The following KDM5D variants were observed in gnomAD, a reference collection of about 807,000 sequenced individuals.
KDM5D encodes the protein lysine demethylase 5D.
In KDM5D, 25 loss-of-function variants were observed where a neutral mutation model predicts 31.9. The ratio of observed to expected loss-of-function variants is 0.78; its 90% CI spans 0.57 to 1.09. KDM5D has a LOEUF of 1.09. KDM5D is among the 50% of genes least tolerant of loss of function. The pLI, the probability that KDM5D is intolerant of heterozygous loss-of-function variation, is 0.00. For synonymous variants in KDM5D, 146 were observed against 122.3 expected, an observed-to-expected ratio of 1.19 and a Z score of -1.28; for missense variants, 366 against 341.6, an observed-to-expected ratio of 1.07 and a Z score of -0.56.
Position 19,739,551 on chromosome Y carries a change from G to A in KDM5D, c.634C>T (p.Arg212Trp), listed in dbSNP as rs1224670916. 5.1e-6 allele frequency: 2 copies of A among 392,765 alleles called. No individual in the cohort carries two copies. The highest frequency in any genetic ancestry group is 6.4e-5 in the African/African-American group (1 of 15,531). Reference protein sequence around the residue: ...QPSKFSSYSRRAKRLQPDPEP... With the variant: ...QPSKFSSYSRWAKRLQPDPEP... ...ACATCAGGCTGTAGCCTTTTTGCCC[G>A]TCGACTGTAGCTGCTGAACTTTGAA... The change falls in exon 6 of 27, where the codon CGG becomes TGG. Residue 212 changes from arginine to tryptophan, a missense_variant. Arg to Trp is a moderately radical substitution (Grantham distance 101). Transcript: ENST00000317961.
chrY:19,744,093 A>G (rs2045579789), intron 2 of KDM5D, among the ~76,000 whole-genome samples: 1 of 33,853 alleles, frequency 3.0e-5, no homozygotes, highest in Non-Finnish European at 7.3e-5. Context: ...TTGCGGTTAA[A>G]TGTAATAAAA....
chrY:19,741,758 A>T lies in KDM5D; in HGVS notation c.328T>A (p.Leu110Met). Residue 110 changes from leucine (L) to methionine (M), a missense_variant, in exon 4 of 27, where the codon TTG becomes ATG. Transcript: ENST00000317961. ...ACCTTACTAAGGCTGTAGAGGTCCA[A>T]GATCTTCCGCTCCACATTGGGAATC... Reference protein sequence around the residue: ...LKIPNVERKILDLYSLSKIVI... With the variant: ...LKIPNVERKIMDLYSLSKIVI... 2.5e-6 allele frequency: 1 copy of T among 393,414 alleles called. No individual in the cohort carries two copies. The highest frequency in any genetic ancestry group is 3.6e-6 in the Non-Finnish European group (1 of 278,732).
At chrY:19,717,515 GAGAGAGAGAA>G in intron 13 of KDM5D, among the ~76,000 whole-genome samples, 1 of 32,885 alleles carries the variant, frequency 3.0e-5, no homozygotes, top group Admixed American at 2.8e-4. Flanking sequence ...GGAGGAGAGA[GAGAGAGAGAA>G]AGAGAGAGAC....
chrY:19,713,739 G>T (rs751611567), intron 18 of KDM5D, among the ~76,000 whole-genome samples: 19 of 33,369 alleles, frequency 5.7e-4, no homozygotes, highest in African/African-American at 2.2e-3. Context: ...AGACAGTGTG[G>T]CAATTCCTCA....
intron 13 of KDM5D, among the ~76,000 whole-genome samples, chrY:19,717,003 T>C: frequency 5.9e-5 from 2 of 33,625 alleles, no homozygotes; most frequent in Non-Finnish European, 1.5e-4. Context: ...AGTCATAGAA[T>C]TAAGTCACCA....
chrY:19,719,175 A>G, intron 13 of KDM5D, among the ~76,000 whole-genome samples: 2 of 33,041 alleles, frequency 6.1e-5, no homozygotes, highest in Non-Finnish European at 1.5e-4. Context: ...GTCTCAAAAA[A>G]AAAAAAAGAA....
chrY:19,715,296 T>C, intron 18 of KDM5D, 56 bp downstream of exon 18: 1 of 345,356 alleles, frequency 2.9e-6, no homozygotes, highest in African/African-American at 6.9e-5. Context: ...GTCTATCCAT[T>C]TTTGTTATTC....
Position 19,741,723 on chromosome Y carries a change from G to A in KDM5D, c.351+12C>T. ...CTTTTTGTTTTTCCTTTAGAAAGTA[G>A]ACTACTCTTACCTTACTAAGGCTGT... On this transcript the variant is annotated intron_variant, in intron 4 of 26. Transcript: ENST00000317961. 1.0e-5 allele frequency: 4 copies of A among 390,280 alleles called. No individual in the cohort carries two copies. Among genetic ancestry groups the A allele is most frequent in the Non-Finnish European group, 1.4e-5 (4 of 277,274 alleles).
At chrY:19,730,667 A>G in intron 11 of KDM5D, among the ~76,000 whole-genome samples, 1 of 30,823 alleles carries the variant, frequency 3.2e-5, no homozygotes. Context: ...AAAAGAGGTA[A>G]ATTTTGTCCT....
intron 11 of KDM5D, among the ~76,000 whole-genome samples, chrY:19,730,190 T>C (rs2045462656): frequency 5.9e-5 from 2 of 34,092 alleles, no homozygotes; most frequent in Non-Finnish European, 7.3e-5. Flanking sequence ...CAACGTAACA[T>C]TAGCAAAGCT....
Position 19,735,399 on chromosome Y carries a change from T to G in KDM5D, c.886A>C (p.Thr296Pro). Residue 296 changes from threonine to proline, a missense_variant, in exon 8 of 27, where the codon ACT (threonine) becomes CCT (proline). Transcript: ENST00000317961. ...TTTCGAAGTTGCATGGTTGTCTTAG[T>G]GCAGGGCTCTAGGCTCAAGTGCTGC... Reference protein sequence around the residue: ...LKQHLSLEPCTKTTMQLRKNH... With the variant: ...LKQHLSLEPCPKTTMQLRKNH... The G allele has an allele frequency of 5.0e-6, 2 of 398,160 alleles. No homozygotes were observed. The highest frequency in any genetic ancestry group is 7.1e-6 in the Non-Finnish European group (2 of 282,816).
At chrY:19,712,314 T>C in intron 18 of KDM5D, among the ~76,000 whole-genome samples, 4 of 33,698 alleles carry the variant, frequency 1.2e-4, no homozygotes. Context: ...ACATGTATGA[T>C]AGTGGGCCTG....
Position 19,744,687 on chromosome Y carries a change from T to C in KDM5D, c.-36A>G. ...GCTGCTTACCAATCGTCAGGGATCC[T>C]AGTTTTACAGCCACCATCTTGACCT... is the stretch of plus-strand genomic sequence containing the variant. On this transcript the variant is annotated 5_prime_UTR_variant, in exon 1 of 27. Transcript: ENST00000317961. The C allele has an allele frequency of 2.0e-5, 3 of 148,016 alleles. No individual in the cohort carries two copies. In the East Asian group the frequency reaches 3.6e-4, roughly 18 times the overall value. 36.9% of individuals were successfully genotyped at this position (148,016 alleles called of 400,897 possible).
At chrY:19,718,631 T>G in intron 13 of KDM5D, among the ~76,000 whole-genome samples, 1 of 33,925 alleles carries the variant, frequency 2.9e-5, no homozygotes, top group South Asian at 6.5e-4. Context: ...ACACTGTGAA[T>G]GTACTAAATG....
chrY:19,708,976 G>A lies in KDM5D; in HGVS notation c.2980C>T (p.Arg994Cys). ...HPPATLEAIIRETENIPVHLP... is the reference protein window; with the variant it reads ...HPPATLEAIICETENIPVHLP... ...TGAACAGGGATGTTTTCTGTCTCAC[G>A]AATTATGGCTTCCAATGTGGCTGGT... is the stretch of plus-strand genomic sequence containing the variant. Residue 994 changes from arginine (R) to cysteine (C), a missense_variant, in exon 21 of 27, where the codon CGT (arginine) becomes TGT (cysteine). Transcript: ENST00000317961. The A allele has an allele frequency of 5.0e-6, 2 of 397,888 alleles. No individual in the cohort carries two copies. The highest frequency in any genetic ancestry group is 6.1e-5 in the African/African-American group (1 of 16,265).
chrY:19,722,427 A>G (rs772287201), intron 11 of KDM5D: 12 of 33,663 alleles, frequency 3.6e-4, no homozygotes, highest in African/African-American at 1.4e-3. Flanking sequence ...CAAAATTATC[A>G]AACTACTAAA....
chrY:19,735,151 A>G (rs2045498396), intron 8 of KDM5D, among the ~76,000 whole-genome samples: 1 of 33,439 alleles, frequency 3.0e-5, no homozygotes, highest in Non-Finnish European at 7.4e-5. Flanking sequence ...TTCTATCTAA[A>G]AAGACATAAA....
chrY:19,708,846 C>T (rs1228302423), intron 21 of KDM5D, 29 bp downstream of exon 21: 21 of 386,492 alleles, frequency 5.4e-5, no homozygotes, highest in Non-Finnish European at 7.3e-5. Flanking sequence ...GCTGGCCTGA[C>T]GCAGTAAAGC....
At chrY:19,710,152 G>A (rs1404747900) in intron 19 of KDM5D, 102 of 362,719 alleles carry the variant, frequency 2.8e-4, no homozygotes, top group Non-Finnish European at 3.8e-4. Context: ...TCTTATGTAG[G>A]CCCAGTTTAG....
Sources: gnomAD v4.1 joint callset for allele counts (sites outside exome capture counted in the v4.1 genomes callset) on GRCh38, gnomAD v4.1.1 for gene constraint, MANE v1.5 for transcripts, NCBI Gene and HGNC (gene_info 2026-07-23, HGNC 2026-07-21) for gene names.